Variants in PDE8B observed in about 807,000 individuals in gnomAD.
PDE8B encodes the protein phosphodiesterase 8B, also known as high affinity cAMP-specific and IBMX-insensitive 3',5'-cyclic phosphodiesterase 8B.
A neutral mutation model predicts 101.3 loss-of-function variants in PDE8B; 26 were observed. The ratio of observed to expected loss-of-function variants is 0.26; its 90% confidence interval spans 0.19 to 0.36. The LOEUF (loss-of-function observed/expected upper bound fraction) is 0.36, where lower values mean the gene tolerates loss of function less well. PDE8B is among the 10% of genes least tolerant of loss of function. The probability of loss-of-function intolerance (pLI) is 1.00; values close to 1 mark genes in which losing one functional copy is unlikely to be tolerated. For missense variants in PDE8B, 810 were observed against 1,163.1 expected, an observed-to-expected ratio of 0.70 and a Z score of 4.42; for synonymous variants, 424 against 429.3, an observed-to-expected ratio of 0.99 and a Z score of 0.15.
chr5:77,326,676 TATAC>T (rs1419769099), intron 3 of PDE8B, among the ~76,000 whole-genome samples: 12 of 152,186 alleles, frequency 7.9e-5, no homozygotes, highest in African/African-American at 2.7e-4. Context: ...TGTATATAAA[TATAC>T]ATATAGTATA....
chr5:77,424,838 T>TTTTTTTTA (rs1457443800), intron 20 of PDE8B, among the ~76,000 whole-genome samples: 1 of 151,462 alleles, frequency 6.6e-6, no homozygotes, highest in African/African-American at 2.4e-5. Flanking sequence ...TTTTTGTTTT[T>TTTTTTTTA]AATGTGAGAC....
At chr5:77,129,401 A>T in the PDE8B span, among the ~76,000 whole-genome samples, 1 of 152,126 alleles carries the variant, frequency 6.6e-6, no homozygotes, top group Non-Finnish European at 1.5e-5. Flanking sequence ...TAGAATTCTA[A>T]GCATACTTTG....
At chr5:77,179,795 G>A in the PDE8B span, among the ~76,000 whole-genome samples, 2 of 152,032 alleles carry the variant, frequency 1.3e-5, no homozygotes, top group South Asian at 2.1e-4. Context: ...TCCTGGCCTC[G>A]AGAGATCCTC....
intron 1 of PDE8B, among the ~76,000 whole-genome samples, chr5:77,299,394 G>C (rs1187029627): frequency 1.3e-5 from 2 of 150,694 alleles, no homozygotes; most frequent in Non-Finnish European, 3.0e-5. Flanking sequence ...TTAGCATTAG[G>C]TATATCTCCT....
intron 17 of PDE8B, among the ~76,000 whole-genome samples, chr5:77,416,498 TG>T (rs1795588616): frequency 6.6e-6 from 1 of 152,180 alleles, no homozygotes; most frequent in Non-Finnish European, 1.5e-5. Flanking sequence ...AGCAGTGAAA[TG>T]GGCCAAATGA....
intron 5 of PDE8B, among the ~76,000 whole-genome samples, chr5:77,333,617 A>G (rs973578742): frequency 1.3e-5 from 2 of 152,164 alleles, no homozygotes; most frequent in African/African-American, 4.8e-5. Flanking sequence ...TAGTTCAGTG[A>G]TCCAACCTCA....
At chr5:77,124,618 G>A in the PDE8B span, among the ~76,000 whole-genome samples, 1 of 151,336 alleles carries the variant, frequency 6.6e-6, no homozygotes, top group African/African-American at 2.4e-5. Flanking sequence ...AAAGAAATAT[G>A]TTTCTTATAT....
chr5:77,223,142 A>G (rs1438633427), intron 1 of PDE8B, among the ~76,000 whole-genome samples: 1 of 152,222 alleles, frequency 6.6e-6, no homozygotes, highest in African/African-American at 2.4e-5. Flanking sequence ...TAATTTTAGT[A>G]CATGTTCACT....
the PDE8B span, chr5:77,147,048 G>A: frequency 2.3e-6 from 1 of 438,954 alleles, no homozygotes; most frequent in South Asian, 1.8e-5. Context: ...AAAGGATATT[G>A]CCTCATACTG....
chr5:77,350,968 CA>C (rs1781000875), intron 8 of PDE8B, 96 bp from the exon 9 acceptor site: 2 of 844,832 alleles, frequency 2.4e-6, no homozygotes, highest in East Asian at 2.4e-5. Context: ...GTAACGAGAG[CA>C]TGTGGGAATG....
chr5:77,138,716 A>C, the PDE8B span, among the ~76,000 whole-genome samples: 1 of 152,028 alleles, frequency 6.6e-6, no homozygotes, highest in East Asian at 1.9e-4. Flanking sequence ...ATTTTTTTCT[A>C]CTTGCTTTTA....
the PDE8B span, among the ~76,000 whole-genome samples, chr5:77,089,068 G>A: frequency 1.3e-5 from 2 of 152,128 alleles, no homozygotes; most frequent in East Asian, 1.9e-4. Context: ...CCCCAACCCC[G>A]GGCCATGAAC....
intron 2 of PDE8B, among the ~76,000 whole-genome samples, chr5:77,320,703 G>A (rs1363481139): frequency 1.3e-5 from 2 of 152,164 alleles, no homozygotes; most frequent in African/African-American, 4.8e-5. Context: ...ATTATTTTGA[G>A]CAAGCACAAG....
the PDE8B span, among the ~76,000 whole-genome samples, chr5:77,162,369 C>A: frequency 5.9e-5 from 9 of 152,048 alleles, no homozygotes; most frequent in Non-Finnish European, 1.0e-4. Flanking sequence ...GTAGATTTGA[C>A]CAATCCCAAT....
At chr5:77,205,826 G>T (rs1241366064), upstream of PDE8B, among the ~76,000 whole-genome samples, 1 of 151,826 alleles carries the variant, frequency 6.6e-6, no homozygotes, top group African/African-American at 2.4e-5. Context: ...ACATTGTTTT[G>T]TTAGGTTTTA....
intron 11 of PDE8B, among the ~76,000 whole-genome samples, chr5:77,403,700 A>T (rs182423738): frequency 6.6e-6 from 1 of 152,246 alleles, no homozygotes. Context: ...TTTAAGCTAG[A>T]TTATTTAAGA....
At chr5:77,341,990 C>T (rs1779282691) in intron 6 of PDE8B, among the ~76,000 whole-genome samples, 1 of 152,146 alleles carries the variant, frequency 6.6e-6, no homozygotes, top group African/African-American at 2.4e-5. Context: ...TTACACTTAC[C>T]TTCTCACACT....
At chr5:77,349,335 C>T (rs1780681986) in intron 7 of PDE8B, 84 bp from the exon 8 acceptor site, 4 of 1,567,978 alleles carry the variant, frequency 2.6e-6, no homozygotes, top group Non-Finnish European at 3.5e-6. Context: ...TGGGTCCCAA[C>T]AAGTCTTCCT....
At chr5:77,122,473 C>T in the PDE8B span, among the ~76,000 whole-genome samples, 1 of 152,178 alleles carries the variant, frequency 6.6e-6, no homozygotes, top group African/African-American at 2.4e-5. Context: ...CGTACATTCA[C>T]CCACCTGAAA....
Sources: allele counts gnomAD v4.1 joint callset (sites outside exome capture counted in the v4.1 genomes callset), GRCh38; gene constraint gnomAD v4.1.1; transcripts MANE v1.5; gene names NCBI Gene and HGNC (gene_info 2026-07-23, HGNC 2026-07-21).